Variants in COL6A5 observed in about 807,000 individuals in gnomAD.
The protein encoded by COL6A5 is collagen alpha-5(VI) chain.
A neutral mutation model predicts 65.6 loss-of-function variants in COL6A5; 48 were observed. That is an observed-to-expected ratio of 0.73 (90% CI 0.58 to 0.93). COL6A5 has a LOEUF of 0.93. Ranked by LOEUF, COL6A5 falls within the 40% of genes least tolerant of loss-of-function variation. COL6A5 has a pLI of 0.00. For missense variants in COL6A5, 914 were observed against 928.3 expected (o/e 0.98, Z 0.20); for synonymous variants, 291 against 322.8 (o/e 0.90, Z 1.05).
intron 12 of COL6A5, among the ~76,000 whole-genome samples, chr3:130,403,253 C>A (rs1936873333): frequency 1.3e-5 from 2 of 152,154 alleles, no homozygotes; most frequent in South Asian, 4.1e-4. Flanking sequence ...AAAATAATAC[C>A]TTTGGAAATG....
chr3:130,400,334 C>T (rs979774510), intron 10 of COL6A5, among the ~76,000 whole-genome samples: 7 of 152,156 alleles, frequency 4.6e-5, no homozygotes, highest in Non-Finnish European at 8.8e-5. Flanking sequence ...TTCCATTAGA[C>T]CATTAACTCT....
intron 5 of COL6A5, among the ~76,000 whole-genome samples, chr3:130,456,491 C>G (rs967077101): frequency 6.6e-6 from 1 of 152,012 alleles, no homozygotes; most frequent in Non-Finnish European, 1.5e-5. Context: ...AATGATGATT[C>G]TCATCATTCC....
chr3:130,448,852 A>G (rs1709363152), intron 4 of COL6A5, among the ~76,000 whole-genome samples: 1 of 152,206 alleles, frequency 6.6e-6, no homozygotes, highest in African/African-American at 2.4e-5. Flanking sequence ...AATTTTTCAC[A>G]TTCTGATTTA....
chr3:130,390,169 C>T (rs1313986120), intron 6 of COL6A5, among the ~76,000 whole-genome samples: 3 of 152,140 alleles, frequency 2.0e-5, no homozygotes, highest in Non-Finnish European at 4.4e-5. Context: ...ACTTTGAAAC[C>T]TGCAAGGCTC....
intron 1 of COL6A5, among the ~76,000 whole-genome samples, chr3:130,353,777 A>G (rs1212523911): frequency 6.6e-6 from 1 of 152,028 alleles, no homozygotes; most frequent in Non-Finnish European, 1.5e-5. Context: ...TATTTCTTTG[A>G]TCTCAAACTG....
At chr3:130,423,715 T>G in intron 28 of COL6A5, 123 bp from the exon 29 acceptor site, 1 of 633,116 alleles carries the variant, frequency 1.6e-6, no homozygotes, top group Non-Finnish European at 2.6e-6. Context: ...TTTACCTGAC[T>G]TCAATTAATA....
At chr3:130,437,043 C>T (rs530936684) in intron 1 of COL6A5, among the ~76,000 whole-genome samples, 42 of 152,254 alleles carry the variant, frequency 2.8e-4, no homozygotes, top group Non-Finnish European at 5.7e-4. Flanking sequence ...TTTCCCAAAA[C>T]TTGTACAACG....
chr3:130,471,510 C>T (rs1480195727), intron 7 of COL6A5, among the ~76,000 whole-genome samples, 172 bp from the exon 40 acceptor site: 1 of 152,044 alleles, frequency 6.6e-6, no homozygotes, highest in African/African-American at 2.4e-5. Context: ...TCTAAGTTTC[C>T]TTCAGAATAT....
intron 4 of COL6A5, among the ~76,000 whole-genome samples, chr3:130,453,532 C>T (rs989825683): frequency 6.6e-6 from 1 of 152,062 alleles, no homozygotes; most frequent in Non-Finnish European, 1.5e-5. Flanking sequence ...ATGTTTCATC[C>T]CCAAAAGTTA....
At chr3:130,375,986 G>C (rs1458911164) in intron 2 of COL6A5, among the ~76,000 whole-genome samples, 1 of 152,110 alleles carries the variant, frequency 6.6e-6, no homozygotes, top group East Asian at 1.9e-4. Context: ...TCAGAGTTTA[G>C]GGTTCCAGAA....
intron 3 of COL6A5, among the ~76,000 whole-genome samples, chr3:130,379,072 ATGG>A (rs559966904): frequency 0.019 from 1,590 of 84,010 alleles, 27 homozygotes; most frequent in African/African-American, 0.075. Context: ...AGTGGTGACG[ATGG>A]TGGTGGTCGT....
Position 130,426,419 on chromosome 3 carries a change from G to T in COL6A5, c.5236+16G>T. On this transcript the variant is annotated intron_variant and NMD_transcript_variant, in intron 31 of 41. Coordinates refer to the COL6A5 transcript ENST00000312481. ...GAACATAGTCGTGAGTATCTGTTAC[G>T]GAACAAGAGCATCCATCAATGGTTG... 6.4e-7 allele frequency: 1 copy of T among 1,550,726 alleles called. No individual in the cohort carries two copies. The highest frequency in any genetic ancestry group is 8.7e-7 in the Non-Finnish European group (1 of 1,146,328).
chr3:130,478,177 T>G (rs1710143967), intron 7 of COL6A5, among the ~76,000 whole-genome samples: 1 of 152,104 alleles, frequency 6.6e-6, no homozygotes. Context: ...GAGTATGAAG[T>G]GCTTCAAACA....
At chr3:130,456,070 C>T (rs1709565326) in intron 5 of COL6A5, among the ~76,000 whole-genome samples, 3 of 152,046 alleles carry the variant, frequency 2.0e-5, no homozygotes, top group Admixed American at 2.0e-4. Flanking sequence ...TCTTGGCTCA[C>T]CGCAACCTCC....
chr3:130,469,109 C>T lies in COL6A5; in HGVS notation c.1861C>T (p.Gln621Ter), dbSNP rs775941718. 14 of 1,612,966 alleles carry T rather than the reference C, an allele frequency of 8.7e-6. No individual in the cohort carries two copies. The highest frequency in any genetic ancestry group is 1.0e-5 in the Non-Finnish European group (12 of 1,179,416). The stretch of plus-strand genomic sequence containing the variant: ...TTTGGTTACTTATAACAGTATACAC[C>T]AAATGAAACATCATCTCCAAGACTC... Residue 621 changes from glutamine (Q) to a stop codon, truncating the protein, a stop_gained, in exon 6 of 8, where the codon CAA becomes TAA. Coordinates refer to ENST00000512836, the Ensembl canonical transcript of COL6A5. LOFTEE classifies it high-confidence loss of function.
chr3:130,456,664 C>T (rs1187557515), intron 5 of COL6A5, among the ~76,000 whole-genome samples: 1 of 151,914 alleles, frequency 6.6e-6, no homozygotes. Flanking sequence ...TCAGCCATTC[C>T]ATCTATGCAT....
At chr3:130,362,075 A>G (rs1249109692) in intron 1 of COL6A5, among the ~76,000 whole-genome samples, 3 of 151,766 alleles carry the variant, frequency 2.0e-5, no homozygotes, top group Non-Finnish European at 4.4e-5. Context: ...AGTACAGTTC[A>G]TTAATTATTT....
chr3:130,370,015 T>G (rs1354591285), intron 1 of COL6A5, among the ~76,000 whole-genome samples: 1 of 152,178 alleles, frequency 6.6e-6, no homozygotes, highest in Non-Finnish European at 1.5e-5. Context: ...ACTTGGAGTT[T>G]CGTTGGGCCC....
chr3:130,362,316 ATATATATATATTTTTTTTTTT>A (rs1935159830), intron 1 of COL6A5, among the ~76,000 whole-genome samples: 2 of 16,420 alleles, frequency 1.2e-4, no homozygotes, highest in Non-Finnish European at 1.0e-4. Context: ...ATATATATAT[ATATATATATATTTTTTTTTTT>A]TTTTTTTTTT....
Sources: gnomAD v4.1 joint callset for allele counts (sites outside exome capture counted in the v4.1 genomes callset) on GRCh38, gnomAD v4.1.1 for gene constraint, MANE v1.5 for transcripts, NCBI Gene and HGNC (gene_info 2026-07-23, HGNC 2026-07-21) for gene names.